Variants in CLEC12A observed in about 807,000 individuals in gnomAD.
The protein encoded by CLEC12A is C-type lectin domain family 12 member A.
In CLEC12A, 22 loss-of-function variants were observed where a neutral mutation model predicts 26.5. The observed-to-expected ratio is 0.83, with a 90% CI of 0.59 to 1.19. The LOEUF is 1.19. CLEC12A is among the 50% of genes most tolerant of loss of function. The pLI, the probability that CLEC12A is intolerant of heterozygous loss-of-function variation, is 0.00. For missense variants in CLEC12A, 353 were observed against 315.6 expected (o/e 1.12, Z -0.90); for synonymous variants, 119 against 101.9 (o/e 1.17, Z -1.01).
At chr12:9,997,025 G>A (rs755210560), downstream of CLEC12A, 2 of 1,612,472 alleles carry the variant, frequency 1.2e-6, no homozygotes, top group Non-Finnish European at 1.7e-6. Context: ...CACAGGAATG[G>A]TGTATTTTTT....
chr12:9,956,160 T>G (rs1863738859), intron 1 of CLEC12A, among the ~76,000 whole-genome samples: 1 of 152,176 alleles, frequency 6.6e-6, no homozygotes, highest in Non-Finnish European at 1.5e-5. Flanking sequence ...AATCAATATT[T>G]TAAGAAAACC....
chr12:9,973,691 C>T (rs563168752), intron 1 of CLEC12A, among the ~76,000 whole-genome samples: 1 of 152,114 alleles, frequency 6.6e-6, no homozygotes, highest in African/African-American at 2.4e-5. Context: ...CTTACTGATA[C>T]TCTGCTTTCC....
chr12:9,966,711 A>G (rs1221358020), upstream of CLEC12A, among the ~76,000 whole-genome samples: 1 of 151,110 alleles, frequency 6.6e-6, no homozygotes, highest in Non-Finnish European at 1.5e-5. Context: ...TTTGAAGGCG[A>G]GGTTAATTAA....
At chr12:9,951,420 G>A (rs1863606993) in intron 1 of CLEC12A, 1 of 702,330 alleles carries the variant, frequency 1.4e-6, no homozygotes. Flanking sequence ...AATTCTGAAG[G>A]AATTTCCATT....
At chr12:9,979,661 T>C in intron 3 of CLEC12A, 137 bp downstream of exon 3, 1 of 654,452 alleles carries the variant, frequency 1.5e-6, no homozygotes, top group Non-Finnish European at 2.5e-6. Flanking sequence ...ATGTGGTTGA[T>C]GGAGAATTCA....
intron 3 of CLEC12A, among the ~76,000 whole-genome samples, chr12:9,980,144 A>T (rs1210755438): frequency 6.6e-6 from 1 of 152,208 alleles, no homozygotes. Flanking sequence ...TTTAAAGAAT[A>T]TACAAAATAA....
downstream of CLEC12A, among the ~76,000 whole-genome samples, chr12:9,997,845 G>A (rs476564): frequency 0.54 from 82,780 of 151,926 alleles, 22,887 homozygotes; most frequent in South Asian, 0.72. Flanking sequence ...GAAATGCACA[G>A]TAACTTAGTA....
upstream of CLEC12A, among the ~76,000 whole-genome samples, chr12:9,969,519 A>T (rs1864052901): frequency 6.6e-6 from 1 of 152,216 alleles, no homozygotes; most frequent in Non-Finnish European, 1.5e-5. Context: ...AGTAATACTT[A>T]TTCAAATATT....
intron 1 of CLEC12A, among the ~76,000 whole-genome samples, chr12:9,962,784 G>T (rs1362395793): frequency 6.6e-6 from 1 of 152,176 alleles, no homozygotes; most frequent in Non-Finnish European, 1.5e-5. Context: ...CGGCCATCTG[G>T]ATGTGTATGT....
chr12:9,980,834 G>T, intron 4 of CLEC12A, 101 bp downstream of exon 4: 5 of 1,268,352 alleles, frequency 3.9e-6, no homozygotes, highest in Non-Finnish European at 5.5e-6. Context: ...ATTTCAGTTG[G>T]GGTGTGAAGT....
At chr12:9,980,868 T>G in intron 4 of CLEC12A, 135 bp downstream of exon 4, 1 of 841,244 alleles carries the variant, frequency 1.2e-6, no homozygotes, top group Non-Finnish European at 1.8e-6. Context: ...TACACTTATC[T>G]CAAGATATCA....
At chr12:10,004,170 G>A in the CLEC12A span, among the ~76,000 whole-genome samples, 4,176 of 152,200 alleles carry the variant, frequency 0.027, 125 homozygotes, top group African/African-American at 0.06. Context: ...TCTAGGGGTG[G>A]GTGCCTGGAA....
intron 5 of CLEC12A, chr12:9,983,998 T>C: frequency 3.7e-6 from 1 of 270,584 alleles, no homozygotes; most frequent in Non-Finnish European, 7.5e-6. Context: ...GTGTTTGTAA[T>C]TATTGCAAAT....
intron 1 of CLEC12A, 63 bp from the exon 2 acceptor site, chr12:9,978,899 ATGAG>A (rs1864441937): frequency 9.2e-7 from 1 of 1,083,334 alleles, no homozygotes; most frequent in East Asian, 2.4e-5. Context: ...GAATGAATGA[ATGAG>A]TAAATAATCC....
At chr12:9,979,219 C>A in intron 2 of CLEC12A, 117 bp from the exon 3 acceptor site, 2 of 973,956 alleles carry the variant, frequency 2.1e-6, no homozygotes, top group Non-Finnish European at 3.1e-6. Context: ...CTTTCCCTCA[C>A]TCCTGTAGAG....
chr12:9,980,425 A>T (rs1173588168), intron 3 of CLEC12A, among the ~76,000 whole-genome samples, 157 bp from the exon 4 acceptor site: 1 of 151,060 alleles, frequency 6.6e-6, no homozygotes. Context: ...GCAATAGAGC[A>T]AGACTCTGTC....
At position 9,979,427 on chromosome 12, in the gene CLEC12A, G is replaced by T; in HGVS notation, c.282G>T (p.Met94Ile). The change falls in exon 3 of 6, where the codon ATG becomes ATT. Residue 94 changes from methionine to isoleucine, a missense_variant. By Grantham distance (10) the Met-to-Ile change is conservative. Transcript: ENST00000304361. ...AGAGAAATATTTCTCTACAACTGAT[G>T]AGTAACATGAATATCTCCAACAAGA... ...ELQRNISLQL[M>I]SNMNISNKIR... 6.2e-7 allele frequency: 1 copy of T among 1,612,332 alleles called. No homozygotes were observed. The highest frequency in any genetic ancestry group is 8.5e-7 in the Non-Finnish European group (1 of 1,178,900).
intron 1 of CLEC12A, among the ~76,000 whole-genome samples, chr12:9,954,205 T>TAAAAA (rs35173002): frequency 1.6e-3 from 100 of 64,406 alleles, no homozygotes; most frequent in Non-Finnish European, 2.1e-3. Flanking sequence ...GAATTATCAA[T>TAAAAA]AAAAAAAAAA....
Position 9,985,116 on chromosome 12 carries a change from A to G in CLEC12A, c.*90A>G, listed in dbSNP as rs1420202733. The G allele has an allele frequency of 7.0e-6, 9 of 1,291,874 alleles. No individual in the cohort carries two copies. Among genetic ancestry groups the G allele is most frequent in the South Asian group, 4.9e-5 (2 of 41,170 alleles). 80.0% of individuals were successfully genotyped at this position (1,291,874 alleles called of 1,614,324 possible). The stretch of plus-strand genomic sequence containing the variant: ...ATATTTTCTGGTTGACAATTAGTTG[A>G]GTTTGTCTGAAGACCTGGGATTTTA... On this transcript the variant is annotated 3_prime_UTR_variant, in exon 6 of 6. Transcript: ENST00000304361.
Sources: allele counts gnomAD v4.1 joint callset (sites outside exome capture counted in the v4.1 genomes callset), GRCh38; gene constraint gnomAD v4.1.1; transcripts MANE v1.5; gene names NCBI Gene and HGNC (gene_info 2026-07-23, HGNC 2026-07-21).